The following GSK3B variants were observed in gnomAD, a reference collection of about 807,000 sequenced individuals.
The protein encoded by GSK3B is glycogen synthase kinase-3 beta.
Under a neutral mutation model 56.4 loss-of-function variants are expected in GSK3B, and 15 were observed. That is an observed-to-expected ratio of 0.27 (90% confidence interval 0.18 to 0.41). The LOEUF (loss-of-function observed/expected upper bound fraction) is 0.41, where lower values mean the gene tolerates loss of function less well. Among genes scored for constraint, GSK3B ranks in the 10% least tolerant of loss-of-function variants. The pLI is 1.00. For missense variants in GSK3B, 300 were observed against 513.4 expected, an observed-to-expected ratio of 0.58 and a Z score of 4.02; for synonymous variants, 181 against 188.9, an observed-to-expected ratio of 0.96 and a Z score of 0.34.
chr3:120,074,177 T>C (rs1022324463), intron 1 of GSK3B, among the ~76,000 whole-genome samples: 3 of 151,804 alleles, frequency 2.0e-5, no homozygotes, highest in African/African-American at 7.3e-5. Flanking sequence ...TTGTAGCACA[T>C]ATCTGCAGTA....
intron 3 of GSK3B, among the ~76,000 whole-genome samples, chr3:119,931,098 A>C (rs1386228395): frequency 2.0e-5 from 3 of 152,234 alleles, no homozygotes; most frequent in Non-Finnish European, 4.4e-5. Context: ...ATATGTAGGG[A>C]AAACAGTAGT....
intron 1 of GSK3B, among the ~76,000 whole-genome samples, chr3:120,002,800 T>C (rs530637517): frequency 2.0e-5 from 3 of 152,222 alleles, no homozygotes; most frequent in Admixed American, 2.0e-4. Context: ...TAGACAGTAC[T>C]GTTCCCATAT....
chr3:119,855,364 C>T (rs536833155), intron 9 of GSK3B, among the ~76,000 whole-genome samples: 28 of 152,274 alleles, frequency 1.8e-4, no homozygotes, highest in Admixed American at 3.3e-4. Context: ...AATAGGAACA[C>T]TTTTACACTG....
intron 10 of GSK3B, among the ~76,000 whole-genome samples, chr3:119,827,753 T>C (rs866778619): frequency 6.6e-6 from 1 of 152,110 alleles, no homozygotes; most frequent in Non-Finnish European, 1.5e-5. Context: ...ATGTTCTCAC[T>C]TATTTGTAGG....
chr3:119,912,902 AT>A, intron 5 of GSK3B, 92 bp from the exon 6 acceptor site: 1 of 525,772 alleles, frequency 1.9e-6, no homozygotes, highest in Non-Finnish European at 3.5e-6. Context: ...GTATCAAATG[AT>A]TTTATAAGAT....
At chr3:119,967,655 T>G (rs114120588) in intron 2 of GSK3B, among the ~76,000 whole-genome samples, 2,754 of 152,286 alleles carry the variant, frequency 0.018, 90 homozygotes, top group African/African-American at 0.063. Flanking sequence ...GAATAGATTT[T>G]TCAACAAATG....
chr3:120,046,784 T>G (rs1175223984), intron 1 of GSK3B, among the ~76,000 whole-genome samples: 4 of 152,062 alleles, frequency 2.6e-5, no homozygotes, highest in African/African-American at 7.2e-5. Context: ...AATTTTTTTG[T>G]ATATTTAGTA....
intron 1 of GSK3B, among the ~76,000 whole-genome samples, chr3:120,048,688 C>G (rs1356356723): frequency 6.6e-6 from 1 of 152,142 alleles, no homozygotes; most frequent in Non-Finnish European, 1.5e-5. Flanking sequence ...AGGAGTCCTA[C>G]CAGAATTGGC....
intron 3 of GSK3B, among the ~76,000 whole-genome samples, chr3:119,926,951 G>A (rs2056894394): frequency 6.6e-6 from 1 of 152,054 alleles, no homozygotes; most frequent in Non-Finnish European, 1.5e-5. Flanking sequence ...CTTTATAAAT[G>A]ACTCTTACCA....
chr3:119,933,518 T>C (rs974359214), intron 3 of GSK3B, among the ~76,000 whole-genome samples: 4 of 152,202 alleles, frequency 2.6e-5, no homozygotes, highest in African/African-American at 9.6e-5. Flanking sequence ...CATTATCTTA[T>C]AATGCCAGAA....
chr3:119,978,302 C>A (rs2057426129), intron 2 of GSK3B, among the ~76,000 whole-genome samples: 1 of 152,134 alleles, frequency 6.6e-6, no homozygotes, highest in African/African-American at 2.4e-5. Flanking sequence ...GAGATTCCAA[C>A]CCCGCCATAA....
chr3:119,905,893 G>A (rs758287330), intron 6 of GSK3B, 41 bp from the exon 7 acceptor site: 2 of 1,083,190 alleles, frequency 1.8e-6, no homozygotes, highest in South Asian at 2.5e-5. Context: ...ATACTTCATA[G>A]CTTGAGCTGA....
intron 2 of GSK3B, among the ~76,000 whole-genome samples, chr3:119,975,080 T>C (rs1276677077): frequency 1.3e-5 from 2 of 152,184 alleles, no homozygotes; most frequent in Non-Finnish European, 2.9e-5. Flanking sequence ...CAAACCAAGA[T>C]GTCCCGCAAC....
intron 1 of GSK3B, among the ~76,000 whole-genome samples, chr3:120,063,905 T>G (rs1315489319): frequency 6.6e-6 from 1 of 151,840 alleles, no homozygotes; most frequent in Non-Finnish European, 1.5e-5. Flanking sequence ...GAGAATCACT[T>G]GAACCCAGGA....
chr3:119,864,341 T>C (rs1046794613), intron 8 of GSK3B, among the ~76,000 whole-genome samples: 2 of 152,152 alleles, frequency 1.3e-5, no homozygotes. Context: ...ATTAAATTAA[T>C]CTACTTAAAG....
At chr3:120,022,019 G>C (rs557170886) in intron 1 of GSK3B, among the ~76,000 whole-genome samples, 111 of 152,286 alleles carry the variant, frequency 7.3e-4, no homozygotes, top group Non-Finnish European at 1.3e-3. Flanking sequence ...AACACAGTGA[G>C]ACACCCATCT....
intron 10 of GSK3B, among the ~76,000 whole-genome samples, chr3:119,839,331 T>G (rs1287842681): frequency 6.6e-6 from 1 of 152,204 alleles, no homozygotes; most frequent in Non-Finnish European, 1.5e-5. Flanking sequence ...ATAGTCAGTA[T>G]GATAATGGTT....
intron 3 of GSK3B, among the ~76,000 whole-genome samples, chr3:119,928,612 T>TA (rs1160252679): frequency 0.12 from 8,173 of 66,898 alleles, 422 homozygotes; most frequent in Non-Finnish European, 0.18. Context: ...ATCAAAAAAA[T>TA]AAAAAAAAAA....
At chr3:120,070,386 C>T (rs2058317406) in intron 1 of GSK3B, among the ~76,000 whole-genome samples, 1 of 152,010 alleles carries the variant, frequency 6.6e-6, no homozygotes, top group African/African-American at 2.4e-5. Flanking sequence ...AGACACTGTA[C>T]TAAGCATCTT....
Sources: allele counts gnomAD v4.1 joint callset (sites outside exome capture counted in the v4.1 genomes callset), GRCh38; gene constraint gnomAD v4.1.1; transcripts MANE v1.5; gene names NCBI Gene and HGNC (gene_info 2026-07-23, HGNC 2026-07-21).